Variants in MECR observed in about 807,000 individuals in gnomAD.
MECR encodes the protein mitochondrial trans-2-enoyl-CoA reductase.
A neutral mutation model predicts 49.1 loss-of-function variants in MECR; 37 were observed. That is an observed-to-expected ratio of 0.75 (90% CI 0.58 to 0.99). The LOEUF (loss-of-function observed/expected upper bound fraction) is 0.99. MECR is among the 50% of genes least tolerant of loss of function. MECR has a pLI of 0.00. For synonymous variants in MECR, 198 were observed against 191.1 expected (o/e 1.04, Z -0.30); for missense variants, 470 against 479.6 (o/e 0.98, Z 0.19).
In MECR at chr1:29,207,128, AT is replaced by A. The variant is rs561895020; in HGVS notation, c.407-224del. Reference sequence around the variant, plus strand: ...GCACAATAGATTGTTATTCTTTTTAATTTTTTTTTTGGAGACAGAGTCTTGC... The same window carrying A: ...GCACAATAGATTGTTATTCTTTTTAATTTTTTTTTGGAGACAGAGTCTTGC... On this transcript the variant is annotated intron_variant, in intron 3 of 9. Transcript: ENST00000263702. Among the ~76,000 whole-genome samples, 46 of 149,798 alleles carry A rather than the reference AT, an allele frequency of 3.1e-4. No individual in the cohort carries two copies. The South Asian group carries it at 7.0e-3, about 23-fold the overall frequency.
rs1359281696 is a variant in MECR at position 29,215,869 on chromosome 1, C to T, written c.406+136G>A. On this transcript the variant is annotated intron_variant, in intron 3 of 9. Coordinates refer to ENST00000263702, the MANE Select transcript of MECR (RefSeq NM_016011.5). ...CTGGGCAATAAGAGCAAAACTCCGT[C>T]TCAAAATAAATAAATAAATAAAAAA... 6 of 1,109,802 alleles carry T rather than the reference C, an allele frequency of 5.4e-6. No homozygotes were observed. The African/African-American group carries it at 6.4e-5, about 12-fold the overall frequency. 68.7% of individuals were successfully genotyped at this position (1,109,802 alleles called of 1,614,324 possible).
At chr1:29,171,840 C>G in the MECR span, 1 of 152,040 alleles carries the variant, frequency 6.6e-6, no homozygotes, top group Non-Finnish European at 1.5e-5. Context: ...TCATACAGTA[C>G]CTCAATGAGA....
the MECR span, among the ~76,000 whole-genome samples, chr1:29,186,006 A>G: frequency 1.3e-5 from 2 of 152,098 alleles, no homozygotes; most frequent in Non-Finnish European, 2.9e-5. Flanking sequence ...ACACACAAAA[A>G]CAACAAAAAA....
intron 1 of MECR, among the ~76,000 whole-genome samples, chr1:29,219,014 T>C (rs1333121828): frequency 2.0e-5 from 3 of 152,046 alleles, no homozygotes; most frequent in South Asian, 2.1e-4. Flanking sequence ...AACCTGGCAG[T>C]GTGATCTAGA....
intron 7 of MECR, among the ~76,000 whole-genome samples, chr1:29,200,091 T>C (rs962988837): frequency 6.6e-6 from 1 of 152,152 alleles, no homozygotes; most frequent in African/African-American, 2.4e-5. Flanking sequence ...AAGTTTTCCT[T>C]TGCACTTTTA....
chr1:29,229,529 T>G (rs1348308031), intron 1 of MECR, among the ~76,000 whole-genome samples: 1 of 152,214 alleles, frequency 6.6e-6, no homozygotes, highest in African/African-American at 2.4e-5. Flanking sequence ...ACCATTAAAG[T>G]AATACCACAT....
intron 4 of MECR, among the ~76,000 whole-genome samples, chr1:29,204,861 G>C (rs527467600): frequency 4.8e-4 from 73 of 152,362 alleles, no homozygotes; most frequent in Non-Finnish European, 8.5e-4. Flanking sequence ...AAGGCTCCCA[G>C]GAACCATCTG....
rs1673244922 is a variant in MECR at position 29,193,309 on chromosome 1, C to T, written c.*713G>A. On this transcript the variant is annotated 3_prime_UTR_variant, in exon 10 of 10. Transcript: ENST00000263702. ...GTGGTGGGTTTAACAGCAGCACTCA[C>T]TCTGCCTGCTAGATGCCAGTAGCAA... 1 of 186,376 alleles carries T rather than the reference C, an allele frequency of 5.4e-6. No homozygotes were observed. The highest frequency in any genetic ancestry group is 1.1e-5 in the Non-Finnish European group (1 of 88,910). The allele number at this position is 186,376 out of a possible 1,614,324, so 11.5% of individuals were successfully genotyped here. A position where few individuals can be genotyped will look rare whatever the true frequency, so the allele number is the denominator to read the frequency against.
At chr1:29,182,811 T>A in the MECR span, among the ~76,000 whole-genome samples, 2 of 152,242 alleles carry the variant, frequency 1.3e-5, no homozygotes, top group African/African-American at 4.8e-5. Flanking sequence ...CCCAAAGTGC[T>A]GGGATTACAG....
rs781362176 is a variant in MECR, at chr1:29,230,931, T to C, written c.-25A>G. The stretch of plus-strand genomic sequence containing the variant: ...TGCTCGCTCCAACCAACACAGAGCC[T>C]GACGCCCCGGCTACGTCATCTTCCA... On this transcript the variant is annotated 5_prime_UTR_variant, in exon 1 of 10. Transcript: ENST00000263702. 3 of 1,559,262 alleles carry C rather than the reference T, an allele frequency of 1.9e-6. No individual in the cohort carries two copies. The highest frequency in any genetic ancestry group is 1.2e-5 in the South Asian group (1 of 85,472).
chr1:29,212,104 G>A (rs1165951376), intron 3 of MECR, among the ~76,000 whole-genome samples: 2 of 152,184 alleles, frequency 1.3e-5, no homozygotes, highest in Non-Finnish European at 2.9e-5. Context: ...CATCCTCTCT[G>A]GCTGGCACCT....
At chr1:29,178,992 C>T in the MECR span, among the ~76,000 whole-genome samples, 4 of 152,254 alleles carry the variant, frequency 2.6e-5, no homozygotes, top group African/African-American at 9.6e-5. Context: ...CTTTCAATGA[C>T]ATTTCATGCA....
Position 29,216,700 on chromosome 1 carries a change from A to G in MECR, c.177-15T>C. ...GGTTCTTGAGTCTAAGCACAAAGCC[A>G]AACGGAGATGTTCATGTCATCCAGG... On this transcript the variant is annotated splice_polypyrimidine_tract_variant and intron_variant, in intron 1 of 9. Coordinates refer to ENST00000263702, the MANE Select transcript of MECR (RefSeq NM_016011.5). The G allele has an allele frequency of 1.9e-6, 3 of 1,614,202 alleles. No individual in the cohort carries two copies. Among genetic ancestry groups the G allele is most frequent in the Non-Finnish European group, 1.7e-6 (2 of 1,180,026 alleles).
chr1:29,171,132 C>G, the MECR span: 1 of 152,106 alleles, frequency 6.6e-6, no homozygotes, highest in Non-Finnish European at 1.5e-5. Context: ...CCTTCCTCAG[C>G]CAACCACGAT....
chr1:29,217,045 A>G (rs1340324379), intron 1 of MECR, among the ~76,000 whole-genome samples: 1 of 147,430 alleles, frequency 6.8e-6, no homozygotes, highest in Non-Finnish European at 1.5e-5. Context: ...GAGGCAGAAG[A>G]ATTGCTTCAA....
At position 29,194,318 on chromosome 1, in the gene MECR, G is replaced by A. The variant is rs1029230682; in HGVS notation, c.965-139C>T. 4 of 983,892 alleles carry A rather than the reference G, an allele frequency of 4.1e-6. No homozygotes were observed. The African/African-American group carries it at 6.5e-5, about 16-fold the overall frequency. The allele number at this position is 983,892 out of a possible 1,614,324, so 60.9% of individuals were successfully genotyped here. A position where few individuals can be genotyped will look rare whatever the true frequency, so the allele number is the denominator to read the frequency against. On this transcript the variant is annotated intron_variant, in intron 9 of 9. Transcript: ENST00000263702. Reference sequence around the variant, plus strand: ...GAGTCCTGGCTGTGCCAAGGATAGGGTGGCTGTGGAGGCAGCCTGGTCCCT... The same window carrying A: ...GAGTCCTGGCTGTGCCAAGGATAGGATGGCTGTGGAGGCAGCCTGGTCCCT...
intron 9 of MECR, among the ~76,000 whole-genome samples, chr1:29,194,690 C>G (rs1224726554): frequency 6.6e-6 from 1 of 152,194 alleles, no homozygotes; most frequent in Non-Finnish European, 1.5e-5. Flanking sequence ...CTGGGCCTGC[C>G]TCCTGCGAAG....
chr1:29,209,918 G>A (rs544455169), intron 3 of MECR, among the ~76,000 whole-genome samples: 1 of 152,294 alleles, frequency 6.6e-6, no homozygotes, highest in African/African-American at 2.4e-5. Context: ...TGGGAAGCAG[G>A]GGGCAGCCTG....
At position 29,194,130 on chromosome 1, in the gene MECR, G is replaced by C; in HGVS notation, c.1014C>G (p.Gly338=). 3 of 1,614,042 alleles carry C rather than the reference G, an allele frequency of 1.9e-6. No homozygotes were observed. The highest frequency in any genetic ancestry group is 2.5e-6 in the Non-Finnish European group (3 of 1,179,956). Residue 338 remains glycine (G), a synonymous_variant, in exon 10 of 10, where the codon GGC becomes GGG. Transcript: ENST00000263702. ...GGGAGCAGGCAGGGGCTGTGAGCTG[G>C]CCTCGGCGGATGAGATCGCACAGTG... ...ILTLCDLIRR[G]QLTAPACSQV... is the part of the protein sequence containing the mutation.
Sources: gnomAD v4.1 joint callset for allele counts (sites outside exome capture counted in the v4.1 genomes callset) on GRCh38, gnomAD v4.1.1 for gene constraint, MANE v1.5 for transcripts, NCBI Gene and HGNC (gene_info 2026-07-23, HGNC 2026-07-21) for gene names.